Variants in TTC28 observed in about 807,000 individuals in gnomAD.
The protein encoded by TTC28 is tetratricopeptide repeat domain 28, also known as tetratricopeptide repeat protein 28.
In TTC28, 61 loss-of-function variants were observed where a neutral mutation model predicts 198.0. The observed-to-expected ratio is 0.31, with a 90% confidence interval of 0.25 to 0.38. TTC28 has a LOEUF of 0.38. Among genes scored for constraint, TTC28 ranks in the 10% least tolerant of loss-of-function variants. The pLI is 1.00. For synonymous variants in TTC28, 1,171 were observed against 1,297.8 expected, an observed-to-expected ratio of 0.90 and a Z score of 2.10; for missense variants, 2,678 against 3,164.0, an observed-to-expected ratio of 0.85 and a Z score of 3.69.
rs187890760 is a variant in TTC28, at chr22:28,445,673, C to T, written c.382-139030G>A. Among the ~76,000 whole-genome samples, 6 of 152,314 alleles carry T rather than the reference C, an allele frequency of 3.9e-5. No homozygotes were observed. The East Asian group carries it at 7.7e-4, about 20-fold the overall frequency. ...ACACTTGTGCTCTCTGCCTGGATTA[C>T]TCTTCCTCCAGATGCCCTCTTGGCT... On this transcript the variant is annotated intron_variant, in intron 2 of 22. Transcript: ENST00000397906.
At chr22:28,194,157 C>G (rs924739267) in intron 5 of TTC28, among the ~76,000 whole-genome samples, 2 of 152,154 alleles carry the variant, frequency 1.3e-5, no homozygotes, top group Non-Finnish European at 2.9e-5. Context: ...TATATGGAAA[C>G]TGAACAACGT....
At chr22:28,212,478 A>G (rs1219702165) in intron 5 of TTC28, among the ~76,000 whole-genome samples, 1 of 136,098 alleles carries the variant, frequency 7.3e-6, no homozygotes, top group Admixed American at 8.6e-5. Context: ...ACAAACTACC[A>G]TCAGAGAATA....
At chr22:28,090,438 TATAAC>T (rs1016762608) in intron 12 of TTC28, among the ~76,000 whole-genome samples, 67 of 152,194 alleles carry the variant, frequency 4.4e-4, no homozygotes, top group African/African-American at 1.3e-3. Context: ...TCTGAATAGA[TATAAC>T]ATAATTTGTT....
At chr22:28,194,610 C>G (rs1002663215) in intron 5 of TTC28, among the ~76,000 whole-genome samples, 1 of 152,014 alleles carries the variant, frequency 6.6e-6, no homozygotes, top group African/African-American at 2.4e-5. Flanking sequence ...ATATCACCAC[C>G]GATCCCACAG....
chr22:28,130,292 T>C (rs910936386), intron 6 of TTC28, among the ~76,000 whole-genome samples: 1 of 152,160 alleles, frequency 6.6e-6, no homozygotes, highest in African/African-American at 2.4e-5. Context: ...ATTAAAGATA[T>C]TGCTCCCTTT....
intron 2 of TTC28, among the ~76,000 whole-genome samples, chr22:28,531,616 G>A (rs2145900452): frequency 6.6e-6 from 1 of 152,280 alleles, no homozygotes; most frequent in South Asian, 2.1e-4. Flanking sequence ...ATTCTTCTCA[G>A]CACCACATCA....
At chr22:28,072,377 C>T (rs1346205894) in intron 12 of TTC28, among the ~76,000 whole-genome samples, 1 of 152,162 alleles carries the variant, frequency 6.6e-6, no homozygotes, top group Non-Finnish European at 1.5e-5. Context: ...GAAATGCAGA[C>T]ATAAGGCATG....
intron 2 of TTC28, among the ~76,000 whole-genome samples, chr22:28,553,836 A>G (rs2049741853): frequency 6.6e-6 from 1 of 152,130 alleles, no homozygotes; most frequent in South Asian, 2.1e-4. Flanking sequence ...GGAAGTGAGG[A>G]GCCCCTCTGC....
chr22:28,390,381 C>G (rs1179196250), intron 2 of TTC28, among the ~76,000 whole-genome samples: 5 of 152,136 alleles, frequency 3.3e-5, no homozygotes, highest in Non-Finnish European at 7.4e-5. Flanking sequence ...GAGCTGAGTT[C>G]AATTCCTGGG....
rs995953691 is a variant in TTC28 at position 28,014,330 on chromosome 22, G to A, written c.4136C>T (p.Ser1379Phe). Residue 1379 changes from serine to phenylalanine, a missense_variant, in exon 14 of 23, where the codon TCC becomes TTC. Ser to Phe is a radical substitution (Grantham distance 155). This residue lies in a region of TTC28 where 727 missense variants were observed against 861.9 expected (regional missense o/e 0.84). Coordinates refer to ENST00000397906, the MANE Select transcript of TTC28 (RefSeq NM_001145418.2). ...CGAGCTCTGCCTCCTGGGAAGAGAG[G>A]AGGTCCCGTCCTGGGTCGGTGACAC... The part of the protein sequence containing the change: ...NTVSPTQDGT[S>F]SLPRRQSSFA... The A allele has an allele frequency of 1.9e-6, 3 of 1,551,546 alleles. No individual in the cohort carries two copies. The highest frequency in any genetic ancestry group is 1.7e-6 in the Non-Finnish European group (2 of 1,146,990).
chr22:28,061,219 T>G (rs1459437726), intron 12 of TTC28, among the ~76,000 whole-genome samples: 1 of 152,350 alleles, frequency 6.6e-6, no homozygotes, highest in Middle Eastern at 3.4e-3. Flanking sequence ...CTCTTTAGTT[T>G]AATTAGATCC....
At chr22:28,679,587 GAA>G (rs2052058819) in intron 1 of TTC28, 33 bp downstream of exon 1, 1 of 1,389,080 alleles carries the variant, frequency 7.2e-7, no homozygotes. Flanking sequence ...GTTTCACAAA[GAA>G]AGTCTCCCGG....
At chr22:28,040,514 G>C (rs1343429419) in intron 12 of TTC28, among the ~76,000 whole-genome samples, 1 of 152,136 alleles carries the variant, frequency 6.6e-6, no homozygotes. Flanking sequence ...ATGCATGAAA[G>C]GCCTTTGACA....
chr22:28,295,693 A>G (rs5752718), intron 5 of TTC28, among the ~76,000 whole-genome samples: 39,857 of 152,046 alleles, frequency 0.26, 5,311 homozygotes, highest in African/African-American at 0.3. Context: ...AACTCTTTGA[A>G]CATATTATAG....
chr22:28,674,731 A>T (rs2051951813), intron 1 of TTC28, among the ~76,000 whole-genome samples: 1 of 150,998 alleles, frequency 6.6e-6, no homozygotes, highest in Non-Finnish European at 1.5e-5. Flanking sequence ...AGGCAGGAGG[A>T]TCACTTGAAC....
At chr22:28,408,680 C>G (rs1392851549) in intron 2 of TTC28, among the ~76,000 whole-genome samples, 1 of 152,260 alleles carries the variant, frequency 6.6e-6, no homozygotes, top group African/African-American at 2.4e-5. Context: ...TAAGCCACTG[C>G]ATCCGGCCCC....
chr22:28,578,395 G>A (rs952694759), intron 2 of TTC28, among the ~76,000 whole-genome samples: 4 of 151,836 alleles, frequency 2.6e-5, no homozygotes, highest in Admixed American at 2.0e-4. Context: ...TACACCACTG[G>A]CATACAATAT....
intron 2 of TTC28, among the ~76,000 whole-genome samples, chr22:28,392,870 CTT>C (rs1245558034): frequency 8.7e-5 from 7 of 80,674 alleles, no homozygotes; most frequent in Admixed American, 7.8e-4. Context: ...TTCCTCCCTC[CTT>C]TTTTTTTTTT....
At chr22:28,125,242 CT>C (rs1299536902) in intron 6 of TTC28, among the ~76,000 whole-genome samples, 1 of 152,204 alleles carries the variant, frequency 6.6e-6, no homozygotes, top group East Asian at 1.9e-4. Context: ...GAACCTGTTT[CT>C]TAGCTTAGCT....
Sources: allele counts gnomAD v4.1 joint callset (sites outside exome capture counted in the v4.1 genomes callset), GRCh38; gene constraint gnomAD v4.1.1; regional missense constraint gnomAD v4.1.1; transcripts MANE v1.5; gene names NCBI Gene and HGNC (gene_info 2026-07-23, HGNC 2026-07-21).